Variants in ZNF385D observed in about 807,000 individuals in gnomAD.
ZNF385D encodes zinc finger protein 659.
A neutral mutation model predicts 35.8 loss-of-function variants in ZNF385D; 15 were observed. The ratio of observed to expected loss-of-function variants is 0.42; its 90% CI spans 0.28 to 0.64. The LOEUF is 0.64. Ranked by LOEUF, ZNF385D falls within the 30% of genes least tolerant of loss-of-function variation. ZNF385D has a pLI of 0.23. For missense variants in ZNF385D, 474 were observed against 494.6 expected, an observed-to-expected ratio of 0.96 and a Z score of 0.39; for synonymous variants, 212 against 186.8, an observed-to-expected ratio of 1.13 and a Z score of -1.10.
chr3:21,510,730 A>G (rs1707139865), intron 4 of ZNF385D, 131 bp downstream of exon 4: 14 of 1,185,570 alleles, frequency 1.2e-5, no homozygotes, highest in Non-Finnish European at 1.6e-5. Flanking sequence ...AACAATTACC[A>G]TTATACAGAA....
chr3:22,119,727 T>C (rs1314543133), intron 3 of ZNF385D, among the ~76,000 whole-genome samples: 1 of 152,186 alleles, frequency 6.6e-6, no homozygotes, highest in East Asian at 1.9e-4. Context: ...ATCTCTCCAG[T>C]AGATTTTGTG....
intron 3 of ZNF385D, among the ~76,000 whole-genome samples, chr3:22,109,664 A>T (rs1003404940): frequency 5.9e-5 from 9 of 152,088 alleles, no homozygotes; most frequent in Admixed American, 3.9e-4. Flanking sequence ...TTGCTTTATG[A>T]ATCTGGGTGC....
chr3:21,841,830 T>C (rs539842927), intron 3 of ZNF385D, among the ~76,000 whole-genome samples: 57 of 151,976 alleles, frequency 3.8e-4, no homozygotes, highest in African/African-American at 1.3e-3. Context: ...AAATTCGCAA[T>C]TCATACATAT....
intron 1 of ZNF385D, among the ~76,000 whole-genome samples, chr3:21,745,424 G>C (rs1262848475): frequency 6.6e-6 from 1 of 152,164 alleles, no homozygotes; most frequent in African/African-American, 2.4e-5. Context: ...TGTAAGCCTG[G>C]AGTTCATATG....
At chr3:21,620,060 G>GTGTATTAAAAGTTAATAC (rs2064959714) in intron 2 of ZNF385D, among the ~76,000 whole-genome samples, 3 of 152,232 alleles carry the variant, frequency 2.0e-5, no homozygotes, top group African/African-American at 7.2e-5. Context: ...TGATTAACTG[G>GTGTATTAAAAGTTAATAC]ACTAAAAGCC....
chr3:21,980,801 G>C (rs568255718), intron 3 of ZNF385D, among the ~76,000 whole-genome samples: 3 of 152,236 alleles, frequency 2.0e-5, no homozygotes, highest in African/African-American at 7.2e-5. Flanking sequence ...CCACTTATAA[G>C]TGAGAACATG....
chr3:21,808,530 C>T (rs1292787524), intron 3 of ZNF385D, among the ~76,000 whole-genome samples: 21 of 152,314 alleles, frequency 1.4e-4, no homozygotes, highest in Middle Eastern at 3.4e-3. Context: ...AGAAAAAGAA[C>T]GCTGTTGACC....
At chr3:21,624,838 T>C (rs1196089565) in intron 2 of ZNF385D, among the ~76,000 whole-genome samples, 7 of 152,090 alleles carry the variant, frequency 4.6e-5, no homozygotes, top group African/African-American at 1.7e-4. Flanking sequence ...TGTTTCCAAG[T>C]TGAAGCCAAG....
At chr3:22,329,687 C>T (rs1426797529) in intron 2 of ZNF385D, among the ~76,000 whole-genome samples, 2 of 152,252 alleles carry the variant, frequency 1.3e-5, no homozygotes, top group African/African-American at 2.4e-5. Flanking sequence ...TATAGATCAA[C>T]ACTGTCCACT....
At chr3:22,066,776 C>T (rs978954001) in intron 3 of ZNF385D, among the ~76,000 whole-genome samples, 15 of 152,070 alleles carry the variant, frequency 9.9e-5, no homozygotes, top group African/African-American at 3.1e-4. Context: ...GTTGGTTGTT[C>T]ATGACCTGAG....
chr3:22,147,906 G>A (rs1704963547), intron 3 of ZNF385D, among the ~76,000 whole-genome samples: 1 of 152,140 alleles, frequency 6.6e-6, no homozygotes, highest in Non-Finnish European at 1.5e-5. Flanking sequence ...GGAATCATGA[G>A]CAATCATGGC....
chr3:21,701,152 C>T (rs7653748), intron 1 of ZNF385D, among the ~76,000 whole-genome samples: 2,526 of 152,226 alleles, frequency 0.017, 77 homozygotes, highest in African/African-American at 0.057. Flanking sequence ...AGACAGCACT[C>T]TGCAGGTATG....
intron 1 of ZNF385D, among the ~76,000 whole-genome samples, chr3:21,699,931 G>A (rs147232179): frequency 4.0e-5 from 6 of 148,460 alleles, no homozygotes; most frequent in East Asian, 2.0e-4. Context: ...TCCTAGGTTC[G>A]AGTGATTCTC....
intron 2 of ZNF385D, among the ~76,000 whole-genome samples, chr3:21,651,327 G>A (rs1473679331): frequency 2.2e-5 from 3 of 139,200 alleles, no homozygotes; most frequent in African/African-American, 2.6e-5. Context: ...TGAAGAAAAA[G>A]TCTAAGGCTA....
chr3:21,762,314 A>G (rs901042407), intron 3 of ZNF385D, among the ~76,000 whole-genome samples: 1 of 152,038 alleles, frequency 6.6e-6, no homozygotes, highest in Admixed American at 6.6e-5. Context: ...AACTTCTACA[A>G]TTCATCTACC....
At chr3:22,297,766 A>T (rs570641399) in intron 2 of ZNF385D, among the ~76,000 whole-genome samples, 1 of 152,150 alleles carries the variant, frequency 6.6e-6, no homozygotes, top group Non-Finnish European at 1.5e-5. Context: ...TAATATATAC[A>T]TAAAAATAAC....
At chr3:22,229,716 C>T (rs1244932978) in intron 2 of ZNF385D, among the ~76,000 whole-genome samples, 1 of 152,216 alleles carries the variant, frequency 6.6e-6, no homozygotes, top group African/African-American at 2.4e-5. Context: ...CGACCACCTA[C>T]AGCAATAGAC....
intron 4 of ZNF385D, among the ~76,000 whole-genome samples, chr3:21,439,248 G>T (rs1701734467): frequency 7.0e-6 from 1 of 143,804 alleles, no homozygotes; most frequent in East Asian, 2.1e-4. Context: ...GTAGTATATT[G>T]TGAGCCCGAG....
intron 4 of ZNF385D, among the ~76,000 whole-genome samples, chr3:21,460,736 T>A (rs1703118230): frequency 6.6e-6 from 1 of 152,188 alleles, no homozygotes; most frequent in South Asian, 2.1e-4. Context: ...ACAACATTCA[T>A]AACCTCCAAA....
Sources: allele counts gnomAD v4.1 joint callset (sites outside exome capture counted in the v4.1 genomes callset), GRCh38; gene constraint gnomAD v4.1.1; transcripts MANE v1.5; gene names NCBI Gene and HGNC (gene_info 2026-07-23, HGNC 2026-07-21).